The following RERE variants were observed in gnomAD, a reference collection of about 807,000 sequenced individuals.
RERE encodes arginine-glutamic acid dipeptide repeats protein.
In RERE, 40 loss-of-function variants were observed where a neutral mutation model predicts 146.1. The ratio of observed to expected loss-of-function variants is 0.27; its 90% CI spans 0.21 to 0.36. The LOEUF (loss-of-function observed/expected upper bound fraction) is 0.36, where lower values mean the gene tolerates loss of function less well. Ranked by LOEUF, RERE falls within the 10% of genes least tolerant of loss-of-function variation. The pLI is 1.00. For missense variants in RERE, 1,933 were observed against 2,138.7 expected (o/e 0.90, Z 1.90); for synonymous variants, 1,003 against 866.0 (o/e 1.16, Z -2.78).
chr1:8,430,606 G>C (rs1007121833), intron 11 of RERE, among the ~76,000 whole-genome samples: 1 of 152,074 alleles, frequency 6.6e-6, no homozygotes, highest in Admixed American at 6.6e-5. Flanking sequence ...TCCCAACTTG[G>C]GCACTGACAG....
chr1:8,694,938 C>T (rs1417637102), intron 1 of RERE, among the ~76,000 whole-genome samples: 1 of 113,358 alleles, frequency 8.8e-6, no homozygotes, highest in Non-Finnish European at 1.7e-5. Context: ...TCATATGAAA[C>T]CAAAAAAAGT....
intron 11 of RERE, among the ~76,000 whole-genome samples, chr1:8,455,204 T>C (rs1644439723): frequency 6.6e-6 from 1 of 152,112 alleles, no homozygotes; most frequent in Admixed American, 6.5e-5. Context: ...AATAACAATC[T>C]TCCTGGTGTT....
intron 1 of RERE, among the ~76,000 whole-genome samples, chr1:8,662,954 G>C (rs1638489098): frequency 6.6e-6 from 1 of 152,118 alleles, no homozygotes; most frequent in Admixed American, 6.5e-5. Context: ...TGTACTTATA[G>C]ATTGCAAAGT....
intron 11 of RERE, chr1:8,424,024 C>G (rs895205548): frequency 6.6e-6 from 1 of 152,158 alleles, no homozygotes; most frequent in Non-Finnish European, 1.5e-5. Context: ...CCGCAGCAAG[C>G]GTGGGGAGAG....
intron 7 of RERE, among the ~76,000 whole-genome samples, chr1:8,532,884 T>C (rs7518744): frequency 0.84 from 128,495 of 152,140 alleles, 54,565 homozygotes; most frequent in East Asian, 0.95. Context: ...CATAAGCCAC[T>C]GCCCCTGGCC....
chr1:8,607,977 C>T (rs879400087), intron 4 of RERE, among the ~76,000 whole-genome samples: 2 of 152,264 alleles, frequency 1.3e-5, no homozygotes, highest in South Asian at 2.1e-4. Context: ...CCACCCACCT[C>T]GGCCTCCCAA....
At chr1:8,391,207 A>C (rs757924201) in intron 12 of RERE, among the ~76,000 whole-genome samples, 1 of 152,230 alleles carries the variant, frequency 6.6e-6, no homozygotes, top group Non-Finnish European at 1.5e-5. Flanking sequence ...AACAGCATGG[A>C]CTTTAAAGCC....
rs17386539 is a variant in RERE at position 8,591,137 on chromosome 1, G to A, written c.522+23424C>T. 8.1e-3 allele frequency among the ~76,000 whole-genome samples: 1,230 copies of A among 152,258 alleles called. 4 individuals are homozygous for A. The highest frequency in any genetic ancestry group is 0.013 in the Non-Finnish European group (906 of 68,028). ...GGCTGCAAGAGATTTCTGTGGCGCTGACATCAGATCTACTACATCATGTCC... is the reference window on the plus strand; with the variant it reads ...GGCTGCAAGAGATTTCTGTGGCGCTAACATCAGATCTACTACATCATGTCC... On this transcript the variant is annotated intron_variant, in intron 4 of 22. Coordinates refer to ENST00000400908, the MANE Select transcript of RERE (RefSeq NM_001042681.2).
chr1:8,485,965 A>G (rs1046921730), intron 10 of RERE, among the ~76,000 whole-genome samples: 4 of 152,066 alleles, frequency 2.6e-5, no homozygotes, highest in East Asian at 3.9e-4. Flanking sequence ...ACACCCGGCT[A>G]ATTTTTCTAT....
chr1:8,394,456 T>C (rs1642983046), intron 12 of RERE, among the ~76,000 whole-genome samples: 1 of 152,236 alleles, frequency 6.6e-6, no homozygotes, highest in East Asian at 1.9e-4. Flanking sequence ...GGGAAGCAGA[T>C]AATATTATCA....
intron 16 of RERE, 58 bp from the exon 17 acceptor site, chr1:8,361,934 T>G: frequency 8.1e-7 from 1 of 1,239,522 alleles, no homozygotes; most frequent in Non-Finnish European, 1.2e-6. Context: ...CCCATCAGCC[T>G]CAGCAAGGAA....
intron 1 of RERE, among the ~76,000 whole-genome samples, chr1:8,659,572 C>T (rs954252669): frequency 1.3e-5 from 2 of 152,120 alleles, no homozygotes; most frequent in Non-Finnish European, 2.9e-5. Flanking sequence ...AAAAAACAAA[C>T]AAAAAACGAT....
chr1:8,740,271 G>A (rs1001891214), intron 1 of RERE, among the ~76,000 whole-genome samples: 1 of 152,188 alleles, frequency 6.6e-6, no homozygotes, highest in African/African-American at 2.4e-5. Flanking sequence ...TGTATAGCAT[G>A]TTACAGCACT....
chr1:8,384,082 T>G (rs112709592), intron 12 of RERE, among the ~76,000 whole-genome samples: 1 of 152,194 alleles, frequency 6.6e-6, no homozygotes, highest in African/African-American at 2.4e-5. Flanking sequence ...GTGTTTCTGA[T>G]GCTGAGAAGA....
chr1:8,671,334 C>G (rs1023193740), intron 1 of RERE, among the ~76,000 whole-genome samples: 3 of 152,206 alleles, frequency 2.0e-5, no homozygotes, highest in Admixed American at 6.5e-5. Context: ...AAAGAATACA[C>G]TTTTTTATTC....
intron 4 of RERE, among the ~76,000 whole-genome samples, chr1:8,578,799 A>G (rs186012098): frequency 4.7e-4 from 72 of 152,380 alleles, no homozygotes; most frequent in Admixed American, 1.2e-3. Flanking sequence ...CATGCTGTAA[A>G]GCACAGCTCA....
chr1:8,486,026 T>C (rs1396446128), intron 10 of RERE, among the ~76,000 whole-genome samples: 2 of 152,066 alleles, frequency 1.3e-5, no homozygotes, highest in African/African-American at 4.8e-5. Context: ...TCTCGATCTC[T>C]TGACCTTGTG....
intron 10 of RERE, among the ~76,000 whole-genome samples, chr1:8,478,657 A>C (rs184144829): frequency 3.7e-4 from 56 of 152,322 alleles, no homozygotes; most frequent in African/African-American, 1.1e-3. Flanking sequence ...GGCTCTGGGC[A>C]GGGCTGTGGA....
intron 1 of RERE, among the ~76,000 whole-genome samples, chr1:8,797,837 G>C (rs993458898): frequency 6.6e-6 from 1 of 152,212 alleles, no homozygotes; most frequent in Admixed American, 6.5e-5. Context: ...AAAAGTAACA[G>C]GAAAAGTTGT....
Sources: gnomAD v4.1 joint callset for allele counts (sites outside exome capture counted in the v4.1 genomes callset) on GRCh38, gnomAD v4.1.1 for gene constraint, MANE v1.5 for transcripts, NCBI Gene and HGNC (gene_info 2026-07-23, HGNC 2026-07-21) for gene names.